Variants in NLRP14 observed in about 807,000 individuals in gnomAD.
NLRP14 encodes the protein NACHT, LRR and PYD domains-containing protein 14.
A neutral mutation model predicts 94.7 loss-of-function variants in NLRP14; 105 were observed. The observed-to-expected ratio is 1.11, with a 90% CI of 0.95 to 1.30. The LOEUF (loss-of-function observed/expected upper bound fraction) is 1.30. Ranked by LOEUF, NLRP14 falls within the 50% of genes most tolerant of loss-of-function variation. The pLI is 0.00. For missense variants in NLRP14, 1,362 were observed against 1,254.1 expected (o/e 1.09, Z -1.30); for synonymous variants, 508 against 459.9 (o/e 1.10, Z -1.34).
At chr11:7,090,457 AG>A in the NLRP14 span, 1 of 992,760 alleles carries the variant, frequency 1.0e-6, no homozygotes, top group Non-Finnish European at 1.5e-6. Flanking sequence ...TGCTTTTGGG[AG>A]AAAAAACTTA....
At chr11:7,042,298 A>T in intron 3 of NLRP14, 90 bp from the exon 4 acceptor site, 1 of 1,054,812 alleles carries the variant, frequency 9.5e-7, no homozygotes, top group East Asian at 2.4e-5. Context: ...CCTAATTCCA[A>T]GTTCGGTATT....
chr11:7,035,743 C>T lies in NLRP14; in HGVS notation c.-21-2823C>T, dbSNP rs142723630. ...AGATTCCCTTCTCCCTTTGTGTCCTCCTAGAACTACTCTGGCCCAGATGAT... is the reference window on the plus strand; with the variant it reads ...AGATTCCCTTCTCCCTTTGTGTCCTTCTAGAACTACTCTGGCCCAGATGAT... On this transcript the variant is annotated intron_variant, in intron 1 of 11. Coordinates refer to ENST00000299481, the MANE Select transcript of NLRP14 (RefSeq NM_176822.4). Among the ~76,000 whole-genome samples the T allele has an allele frequency of 3.0e-4, 46 of 152,270 alleles. No homozygotes were observed. In the East Asian group the frequency reaches 7.3e-3, roughly 24 times the overall value.
At chr11:7,046,628 A>C in intron 4 of NLRP14, 40 bp from the exon 5 acceptor site, 2 of 1,582,120 alleles carry the variant, frequency 1.3e-6, no homozygotes, top group East Asian at 4.5e-5. Flanking sequence ...GCTGAAATAA[A>C]ATCAGCATTG....
At chr11:7,044,897 A>G (rs1168849202) in intron 4 of NLRP14, among the ~76,000 whole-genome samples, 2 of 152,218 alleles carry the variant, frequency 1.3e-5, no homozygotes, top group Non-Finnish European at 2.9e-5. Context: ...TTAAGTGGCT[A>G]AGTGCTTATC....
intron 8 of NLRP14, 27 bp downstream of exon 8, chr11:7,058,477 AAT>A: frequency 6.6e-7 from 1 of 1,515,384 alleles, no homozygotes; most frequent in Non-Finnish European, 9.2e-7. Context: ...TTTTATCCTT[AAT>A]ATATATTGTA....
At chr11:7,088,925 C>A in the NLRP14 span, 1 of 635,642 alleles carries the variant, frequency 1.6e-6, no homozygotes, top group Non-Finnish European at 2.7e-6. Flanking sequence ...GGCGAATTGG[C>A]CCTCTGGAAA....
chr11:7,051,701 C>T (rs1415090195), intron 6 of NLRP14, among the ~76,000 whole-genome samples: 1 of 152,146 alleles, frequency 6.6e-6, no homozygotes, highest in Non-Finnish European at 1.5e-5. Context: ...ACTGCAGCCT[C>T]CACCTCTGCC....
chr11:7,036,858 A>G (rs1225059593), intron 1 of NLRP14, among the ~76,000 whole-genome samples: 1 of 152,214 alleles, frequency 6.6e-6, no homozygotes, highest in Non-Finnish European at 1.5e-5. Context: ...AGATTTGGGC[A>G]CATTTAAGTG....
At chr11:7,090,239 C>T in the NLRP14 span, 1 of 1,610,594 alleles carries the variant, frequency 6.2e-7, no homozygotes, top group Non-Finnish European at 8.5e-7. Context: ...GCAGGGTGCC[C>T]AGGGGCGGAG....
At chr11:7,089,177 C>G in the NLRP14 span, 1 of 1,613,918 alleles carries the variant, frequency 6.2e-7, no homozygotes, top group African/African-American at 1.3e-5. Flanking sequence ...ACCTCGAAAC[C>G]GACGAGAAAG....
chr11:7,090,337 G>T, the NLRP14 span: 2 of 1,548,242 alleles, frequency 1.3e-6, no homozygotes, highest in South Asian at 1.2e-5. Flanking sequence ...CCTTTTCAAC[G>T]AAACTAACAA....
chr11:7,076,474 T>G (rs1343254894), downstream of NLRP14, among the ~76,000 whole-genome samples: 1 of 152,206 alleles, frequency 6.6e-6, no homozygotes, highest in African/African-American at 2.4e-5. Flanking sequence ...ATTCCCAGCC[T>G]TCTCTCTTTT....
chr11:7,048,900 G>A (rs1172488467), intron 5 of NLRP14, among the ~76,000 whole-genome samples: 1 of 152,028 alleles, frequency 6.6e-6, no homozygotes, highest in Non-Finnish European at 1.5e-5. Context: ...GTGAGATGGT[G>A]CCATTTATGT....
the NLRP14 span, among the ~76,000 whole-genome samples, chr11:7,082,846 A>C: frequency 6.6e-6 from 1 of 152,198 alleles, no homozygotes; most frequent in African/African-American, 2.4e-5. Context: ...TATTTTTACC[A>C]TTAGACATTA....
At chr11:7,039,866 T>C (rs1852221764) in intron 3 of NLRP14, 81 bp downstream of exon 3, 1 of 1,120,316 alleles carries the variant, frequency 8.9e-7, no homozygotes, top group Non-Finnish European at 1.4e-6. Flanking sequence ...CCGAGGACTT[T>C]TGTTCAAATC....
the NLRP14 span, among the ~76,000 whole-genome samples, chr11:7,076,942 T>C: frequency 1.3e-5 from 2 of 152,206 alleles, no homozygotes; most frequent in Non-Finnish European, 1.5e-5. Context: ...GGAACACTTG[T>C]ATTATTTTCC....
At chr11:7,039,011 T>C (rs1306972245) in intron 2 of NLRP14, 136 bp downstream of exon 2, 3 of 769,446 alleles carry the variant, frequency 3.9e-6, no homozygotes, top group Non-Finnish European at 2.0e-6. Context: ...GTCTTGTGCA[T>C]GGGGAGCTTG....
At chr11:7,031,023 T>TG (rs1340631666) in intron 1 of NLRP14, among the ~76,000 whole-genome samples, 1 of 152,150 alleles carries the variant, frequency 6.6e-6, no homozygotes, top group Admixed American at 6.5e-5. Context: ...GGTCAGGCGG[T>TG]GGGGTCCAAC....
At chr11:7,085,911 G>A in the NLRP14 span, among the ~76,000 whole-genome samples, 2 of 152,194 alleles carry the variant, frequency 1.3e-5, no homozygotes, top group African/African-American at 4.8e-5. Flanking sequence ...CAGATATGGA[G>A]GGCTGACTAT....
Sources: allele counts gnomAD v4.1 joint callset (sites outside exome capture counted in the v4.1 genomes callset), GRCh38; gene constraint gnomAD v4.1.1; transcripts MANE v1.5; gene names NCBI Gene and HGNC (gene_info 2026-07-23, HGNC 2026-07-21).